Variants in KIF5A observed in about 807,000 individuals in gnomAD.
KIF5A encodes kinesin family member 5A, also known as kinesin heavy chain isoform 5A.
In KIF5A, 35 loss-of-function variants were observed where a neutral mutation model predicts 141.3. That is an observed-to-expected ratio of 0.25 (90% CI 0.19 to 0.33). The LOEUF (loss-of-function observed/expected upper bound fraction) is 0.33. Among genes scored for constraint, KIF5A ranks in the 10% least tolerant of loss-of-function variants. KIF5A has a pLI of 1.00. For synonymous variants in KIF5A, 448 were observed against 500.2 expected, an observed-to-expected ratio of 0.90 and a Z score of 1.39; for missense variants, 861 against 1,314.3, an observed-to-expected ratio of 0.66 and a Z score of 5.33.
Position 57,572,631 on chromosome 12 carries a change from G to A in KIF5A, c.1621G>A (p.Gly541Arg). 1.2e-6 allele frequency: 2 copies of A among 1,614,216 alleles called. No individual in the cohort carries two copies. The highest frequency in any genetic ancestry group is 1.7e-6 in the Non-Finnish European group (2 of 1,180,032). The change falls in exon 15 of 29, where the codon GGA becomes AGA. Residue 541 changes from glycine (G) to arginine (R), a missense_variant. Physicochemically the swap from Gly to Arg is moderately radical, Grantham distance 125. Around this residue, in one of 5 missense-constraint regions of KIF5A, gnomAD observed 482 missense variants for 661.3 expected, o/e 0.73. Transcript: ENST00000455537. The surrounding 1 kb of genome is among the most constrained non-coding windows in gnomAD (Gnocchi z 4.2). Reference protein sequence around the residue: ...SELQRLQEVSGHQRKRIAEVL... With the variant: ...SELQRLQEVSRHQRKRIAEVL... ...GTTGCAGCGGCTACAGGAGGTCAGTGGACACCAGCGAAAACGAATTGCTGA... is the reference window on the plus strand; with the variant it reads ...GTTGCAGCGGCTACAGGAGGTCAGTAGACACCAGCGAAAACGAATTGCTGA...
At chr12:57,579,988 G>A (rs1565704141) in intron 23 of KIF5A, among the ~76,000 whole-genome samples, 1 of 152,130 alleles carries the variant, frequency 6.6e-6, no homozygotes, top group Admixed American at 6.5e-5. Flanking sequence ...AGGAAAAGGA[G>A]ATAAAAACTT....
At position 57,575,184 on chromosome 12, in the gene KIF5A, G is replaced by A. The variant is rs750134009; in HGVS notation, c.1817G>A (p.Arg606Gln). 6 of 1,613,792 alleles carry A rather than the reference G, an allele frequency of 3.7e-6. No individual in the cohort carries two copies. Among genetic ancestry groups the A allele is most frequent in the Admixed American group, 1.7e-5 (1 of 59,954 alleles). The change falls in exon 16 of 29, where the codon CGG becomes CAG. Residue 606 changes from arginine (R) to glutamine (Q), a missense_variant. Arg to Gln is a conservative substitution (Grantham distance 43). Around this residue, in one of 5 missense-constraint regions of KIF5A, gnomAD observed 482 missense variants for 661.3 expected, o/e 0.73. Coordinates refer to ENST00000455537, the MANE Select transcript of KIF5A (RefSeq NM_004984.4). Reference protein sequence around the residue: ...SEVKSVVKRCRQLENLQVECH... With the variant: ...SEVKSVVKRCQQLENLQVECH... ...GTCAAGTCTGTGGTCAAGCGGTGCC[G>A]GCAGCTGGAGAACCTCCAGGTGGAG...
chr12:57,570,548 G>A (rs1882219003), intron 12 of KIF5A, among the ~76,000 whole-genome samples: 1 of 152,124 alleles, frequency 6.6e-6, no homozygotes, highest in Non-Finnish European at 1.5e-5. Context: ...ACAGGCGCAT[G>A]CCACCACGCC....
In KIF5A at chr12:57,581,143, C is replaced by T. The variant is rs267603613; in HGVS notation, c.2726C>T (p.Ser909Leu). The change falls in exon 24 of 29, where the codon TCG becomes TTG. Residue 909 changes from serine (S) to leucine (L), a missense_variant. Ser to Leu is a moderately radical substitution (Grantham distance 145). Around this residue, in one of 5 missense-constraint regions of KIF5A, gnomAD observed 482 missense variants for 661.3 expected, o/e 0.73. Transcript: ENST00000455537. ...AAGGAGGCCGTTCGCTACAAGAGCT[C>T]GGGCAAACGGGGCCATTCTGCCCAG... Reference protein sequence around the residue: ...RIKEAVRYKSSGKRGHSAQIA... With the variant: ...RIKEAVRYKSLGKRGHSAQIA... 1.2e-5 allele frequency: 19 copies of T among 1,613,838 alleles called. No individual in the cohort carries two copies. The highest frequency in any genetic ancestry group is 1.0e-4 in the Admixed American group (6 of 59,988).
intron 1 of KIF5A, among the ~76,000 whole-genome samples, chr12:57,551,330 C>G (rs1320900933): frequency 6.6e-6 from 1 of 152,124 alleles, no homozygotes. Context: ...AAATTGAGGC[C>G]CAAAGAACTT....
chr12:57,571,857 C>G (rs958523808), intron 13 of KIF5A, among the ~76,000 whole-genome samples: 7 of 152,248 alleles, frequency 4.6e-5, no homozygotes, highest in Non-Finnish European at 4.4e-5. Context: ...CTGCGCCCGG[C>G]TGGGGCTTTT....
chr12:57,571,093 G>T (rs1223454582), intron 12 of KIF5A, among the ~76,000 whole-genome samples: 1 of 151,844 alleles, frequency 6.6e-6, no homozygotes, highest in Non-Finnish European at 1.5e-5. Context: ...GCACCACCAG[G>T]CTAGCTAATA....
intron 1 of KIF5A, among the ~76,000 whole-genome samples, chr12:57,556,596 G>A (rs778848992): frequency 1.6e-4 from 24 of 151,204 alleles, no homozygotes; most frequent in Non-Finnish European, 2.5e-4. Flanking sequence ...ATTTTAATGC[G>A]TCTGTGGAGC....
rs1882288922 is a variant in KIF5A, at chr12:57,572,548, G to A, written c.1570-32G>A. On this transcript the variant is annotated intron_variant, in intron 14 of 28. Coordinates refer to ENST00000455537, the MANE Select transcript of KIF5A (RefSeq NM_004984.4). The surrounding 1 kb of genome is among the most constrained non-coding windows in gnomAD (Gnocchi z 4.2). ...GGCTGGGCAAGGGAGCAGGAGGATGGCAACAGGAATGACCTGAGGGGCTGT... is the reference window on the plus strand; with the variant it reads ...GGCTGGGCAAGGGAGCAGGAGGATGACAACAGGAATGACCTGAGGGGCTGT... The A allele has an allele frequency of 1.2e-6, 2 of 1,613,990 alleles. No homozygotes were observed. The highest frequency in any genetic ancestry group is 1.7e-6 in the Non-Finnish European group (2 of 1,180,012).
Position 57,563,699 on chromosome 12 carries a change from G to T in KIF5A, c.291+6G>T. On this transcript the variant is annotated splice_donor_region_variant and intron_variant, in intron 3 of 28. Coordinates refer to ENST00000455537, the MANE Select transcript of KIF5A (RefSeq NM_004984.4). ...GGAAAACACATACCATGGAGGTGAGGGTTCTGGCTTTGGTGGTTGAGGGGC... is the reference window on the plus strand; with the variant it reads ...GGAAAACACATACCATGGAGGTGAGTGTTCTGGCTTTGGTGGTTGAGGGGC... 6.2e-7 allele frequency: 1 copy of T among 1,613,438 alleles called. No homozygotes were observed. Among genetic ancestry groups the T allele is most frequent in the East Asian group, 2.2e-5 (1 of 44,876 alleles).
chr12:57,577,032 G>A (rs1882450043), intron 20 of KIF5A, among the ~76,000 whole-genome samples, 170 bp downstream of exon 20: 1 of 152,164 alleles, frequency 6.6e-6, no homozygotes, highest in African/African-American at 2.4e-5. Context: ...AAAGACTGCC[G>A]TTGAGTATTC....
chr12:57,564,842 A>G (rs2140159600), intron 5 of KIF5A, 76 bp from the exon 6 acceptor site: 3 of 1,382,902 alleles, frequency 2.2e-6, no homozygotes, highest in South Asian at 2.3e-5. Flanking sequence ...GAAAACCACC[A>G]TCTGAGCTGA....
intron 6 of KIF5A, among the ~76,000 whole-genome samples, chr12:57,566,067 C>A (rs1882055596): frequency 6.6e-6 from 1 of 151,804 alleles, no homozygotes. Context: ...CCACTGCACT[C>A]CAGCCTGTGT....
At position 57,550,244 on chromosome 12, in the gene KIF5A, G is replaced by C; in HGVS notation, c.-28G>C. The C allele has an allele frequency of 6.2e-7, 1 of 1,613,562 alleles. No individual in the cohort carries two copies. The highest frequency in any genetic ancestry group is 8.5e-7 in the Non-Finnish European group (1 of 1,179,950). ...ACACACCACCCCTGCAGCCCAAGAA[G>C]AGTCCCAGCCCCACGCCGGCTACCA... On this transcript the variant is annotated 5_prime_UTR_variant, in exon 1 of 29. Coordinates refer to ENST00000455537, the MANE Select transcript of KIF5A (RefSeq NM_004984.4). The surrounding 1 kb of genome is among the most constrained non-coding windows in gnomAD (Gnocchi z 4.6).
Position 57,581,556 on chromosome 12 carries a change from C to T in KIF5A, c.2897C>T (p.Thr966Ile), listed in dbSNP as rs149433823. 1.2e-6 allele frequency: 2 copies of T among 1,614,028 alleles called. No homozygotes were observed. The highest frequency in any genetic ancestry group is 2.7e-5 in the African/African-American group (2 of 74,936). Residue 966 changes from threonine (T) to isoleucine (I), a missense_variant, in exon 25 of 29, where the codon ACC becomes ATC. By Grantham distance (89) the Thr-to-Ile change is moderately conservative. This residue lies in a region of KIF5A where 482 missense variants were observed against 661.3 expected (regional missense o/e 0.73). Coordinates refer to ENST00000455537, the MANE Select transcript of KIF5A (RefSeq NM_004984.4). ...NLYLQATPSS[T>I]SDMYFANSCT... ...TACCTGCAGGCCACACCCAGCTCCACCTCAGATATGTAGTGAGTGACCACA... is the reference window on the plus strand; with the variant it reads ...TACCTGCAGGCCACACCCAGCTCCATCTCAGATATGTAGTGAGTGACCACA...
rs536777412 is a variant in KIF5A, at chr12:57,563,468, C to G, written c.159C>G (p.Phe53Leu). The change falls in exon 2 of 29, where the codon TTC becomes TTG. Residue 53 changes from phenylalanine to leucine, a missense_variant. By Grantham distance (22) the Phe-to-Leu change is conservative. Transcript: ENST00000455537. ...AGCCATATGTTTTTGACCGTGTATT[C>G]CCCCCAAACACGACTCAAGAGCAAG... is the stretch of plus-strand genomic sequence containing the variant. ...GGKPYVFDRV[F>L]PPNTTQEQVY... 2 of 1,612,862 alleles carry G rather than the reference C, an allele frequency of 1.2e-6. No individual in the cohort carries two copies. The highest frequency in any genetic ancestry group is 1.1e-5 in the South Asian group (1 of 91,040).
intron 1 of KIF5A, among the ~76,000 whole-genome samples, chr12:57,559,136 T>A (rs1190101278): frequency 1.3e-5 from 2 of 152,232 alleles, no homozygotes; most frequent in Non-Finnish European, 2.9e-5. Flanking sequence ...TGGTGGACAT[T>A]AAGGGTTGTT....
In KIF5A at chr12:57,554,570, T is replaced by C. The variant is rs143366268; in HGVS notation, c.129+4170T>C. ...TCTATGTTTAGTCAACAAATATTTA[T>C]GAAGAGCATCTGTCATAGTCCTCTA... is the stretch of plus-strand genomic sequence containing the variant. On this transcript the variant is annotated intron_variant, in intron 1 of 28. Coordinates refer to ENST00000455537, the MANE Select transcript of KIF5A (RefSeq NM_004984.4). Among the ~76,000 whole-genome samples the C allele has an allele frequency of 1.2e-4, 19 of 152,350 alleles. No homozygotes were observed. In the East Asian group the frequency reaches 3.5e-3, roughly 28 times the overall value.
At position 57,583,231 on chromosome 12, in the gene KIF5A, T is replaced by C; in HGVS notation, c.*36+16T>C. 1 of 1,498,128 alleles carries C rather than the reference T, an allele frequency of 6.7e-7. No homozygotes were observed. Among genetic ancestry groups the C allele is most frequent in the East Asian group, 2.3e-5 (1 of 43,006 alleles). 92.8% of individuals were successfully genotyped at this position (1,498,128 alleles called of 1,614,324 possible). On this transcript the variant is annotated intron_variant, in intron 28 of 28. Transcript: ENST00000455537. ...GCACTTTCAGGTAGCGTCAGGCTGCTTCCTCGGACCAGCCTCAGGTTGCTT... is the reference window on the plus strand; with the variant it reads ...GCACTTTCAGGTAGCGTCAGGCTGCCTCCTCGGACCAGCCTCAGGTTGCTT...
Sources: allele counts gnomAD v4.1 joint callset (sites outside exome capture counted in the v4.1 genomes callset), GRCh38; gene constraint gnomAD v4.1.1; regional missense constraint gnomAD v4.1.1; non-coding constraint Gnocchi (gnomAD v3.1); transcripts MANE v1.5; gene names NCBI Gene and HGNC (gene_info 2026-07-23, HGNC 2026-07-21).